The following SYT10 variants were observed in gnomAD, a reference collection of about 807,000 sequenced individuals.
SYT10 encodes the protein synaptotagmin-10.
A neutral mutation model predicts 51.1 loss-of-function variants in SYT10; 31 were observed. The ratio of observed to expected loss-of-function variants is 0.61; its 90% CI spans 0.46 to 0.82. SYT10 has a LOEUF of 0.82. Ranked by LOEUF, SYT10 falls within the 40% of genes least tolerant of loss-of-function variation. The pLI is 0.00. For missense variants in SYT10, 603 were observed against 634.0 expected, an observed-to-expected ratio of 0.95 and a Z score of 0.53; for synonymous variants, 233 against 225.9, an observed-to-expected ratio of 1.03 and a Z score of -0.28.
chr12:33,434,975 T>C (rs929545453), intron 1 of SYT10, among the ~76,000 whole-genome samples: 1 of 152,208 alleles, frequency 6.6e-6, no homozygotes, highest in Admixed American at 6.5e-5. Context: ...GGGAAGAATA[T>C]AATCACATGT....
chr12:33,405,938 T>C (rs148770465), intron 3 of SYT10: 8 of 151,498 alleles, frequency 5.3e-5, no homozygotes, highest in Admixed American at 5.3e-4. Context: ...TGTCTAACAG[T>C]AAGAAAATGG....
At chr12:33,413,204 T>G (rs541586386) in intron 2 of SYT10, among the ~76,000 whole-genome samples, 1 of 152,294 alleles carries the variant, frequency 6.6e-6, no homozygotes, top group Admixed American at 6.5e-5. Flanking sequence ...AATCTACATC[T>G]GATTGGTGTA....
At chr12:33,429,803 T>C (rs1167127215) in intron 1 of SYT10, among the ~76,000 whole-genome samples, 2 of 152,194 alleles carry the variant, frequency 1.3e-5, no homozygotes, top group Non-Finnish European at 2.9e-5. Flanking sequence ...TATGGTAGTA[T>C]TGTTCACCAT....
At position 33,395,751 on chromosome 12, in the gene SYT10, G is replaced by C. The variant is rs371188720; in HGVS notation, c.1078-10460C>G. Among the ~76,000 whole-genome samples the C allele has an allele frequency of 2.7e-4, 41 of 152,274 alleles. No individual in the cohort carries two copies. In the South Asian group the frequency reaches 5.6e-3, roughly 21 times the overall value. The stretch of plus-strand genomic sequence containing the variant: ...GGATTATAAGTTTTAAAGGCCTTAT[G>C]CATATGTTTTTGCCACAAGTATTAT... On this transcript the variant is annotated intron_variant, in intron 3 of 6. Coordinates refer to ENST00000228567, the MANE Select transcript of SYT10 (RefSeq NM_198992.4).
chr12:33,416,437 T>A (rs1484302243), intron 2 of SYT10, among the ~76,000 whole-genome samples: 1 of 152,110 alleles, frequency 6.6e-6, no homozygotes, highest in Non-Finnish European at 1.5e-5. Context: ...AGTCAAGAAA[T>A]CACACTTCCA....
Position 33,436,460 on chromosome 12 carries a change from C to T in SYT10, c.151+2912G>A, listed in dbSNP as rs147924025. Among the ~76,000 whole-genome samples, 13 of 152,212 alleles carry T rather than the reference C, an allele frequency of 8.5e-5. No homozygotes were observed. In the East Asian group the frequency reaches 1.7e-3, roughly 20 times the overall value. ...CACATATAATGACTCCGATAAACTA[C>T]GCCAAAAGAGTAAATGAACTTGTGT... On this transcript the variant is annotated intron_variant, in intron 1 of 6. Coordinates refer to ENST00000228567, the MANE Select transcript of SYT10 (RefSeq NM_198992.4).
chr12:33,393,046 C>T (rs762962717), intron 3 of SYT10, among the ~76,000 whole-genome samples: 1 of 143,636 alleles, frequency 7.0e-6, no homozygotes. Context: ...TTGCACCATC[C>T]TCATAGATGC....
In SYT10 at chr12:33,382,489, T is replaced by G. The variant is rs992096708; in HGVS notation, c.1230A>C (p.Glu410Asp). Reference sequence around the variant, plus strand: ...TTTTCCTCTTTTTTAATCTTCGACCTTCACACATCAGGGACACTTTGACAT... The same window carrying G: ...TTTTCCTCTTTTTTAATCTTCGACCGTCACACATCAGGGACACTTTGACAT... ...DPYVKVSLMC[E>D]GRRLKKRKTT... Residue 410 changes from glutamate (E) to aspartate (D), a missense_variant, in exon 5 of 7, where the codon GAA becomes GAC. Glu to Asp is a conservative substitution (Grantham distance 45, BLOSUM62 2). Transcript: ENST00000228567. 2.4e-5 allele frequency: 38 copies of G among 1,612,662 alleles called. No homozygotes were observed. The highest frequency in any genetic ancestry group is 2.8e-5 in the Non-Finnish European group (33 of 1,179,320).
chr12:33,420,810 G>A (rs1482686160), intron 2 of SYT10, among the ~76,000 whole-genome samples: 1 of 152,188 alleles, frequency 6.6e-6, no homozygotes, highest in Non-Finnish European at 1.5e-5. Flanking sequence ...AAAGAAGCAA[G>A]TGTGTACACC....
chr12:33,379,997 C>T lies in SYT10; in HGVS notation c.1371-36G>A, dbSNP rs745955077. On this transcript the variant is annotated intron_variant, in intron 5 of 6. Transcript: ENST00000228567. ...TGGGATATTATATTTTCATTTCCAA[C>T]ATTCAAAGATAAAGGGGGTTTCACA... 1.7e-5 allele frequency: 27 copies of T among 1,562,946 alleles called. No homozygotes were observed. In the South Asian group the frequency reaches 2.8e-4, roughly 16 times the overall value.
chr12:33,415,667 G>A (rs1403641851), intron 2 of SYT10, among the ~76,000 whole-genome samples: 1 of 152,082 alleles, frequency 6.6e-6, no homozygotes, highest in Non-Finnish European at 1.5e-5. Context: ...CATATATTCA[G>A]TTAGATCACC....
At chr12:33,408,455 T>C (rs571375607) in intron 2 of SYT10, 3 of 152,318 alleles carry the variant, frequency 2.0e-5, no homozygotes, top group South Asian at 2.1e-4. Context: ...TATATAAGCT[T>C]ACTAATGTCT....
At chr12:33,413,762 G>C (rs1348958012) in intron 2 of SYT10, among the ~76,000 whole-genome samples, 1 of 152,186 alleles carries the variant, frequency 6.6e-6, no homozygotes, top group Non-Finnish European at 1.5e-5. Context: ...AGGCTAGGAA[G>C]AAACTGCATC....
In SYT10 at chr12:33,376,899, T is replaced by C. The variant is rs1866068045; in HGVS notation, c.1503A>G (p.Leu501=). ...TATCAAAACTGGTCGCCCGGCCAGG[T>C]AACTGAAAGACAAAAATTTCATAAT... ...PITHWHPLLE[L]PGRATSFDSQ... Residue 501 remains leucine, a splice_region_variant and synonymous_variant, in exon 7 of 7, where the codon TTA becomes TTG. Transcript: ENST00000228567. The C allele has an allele frequency of 3.1e-6, 5 of 1,613,948 alleles. No homozygotes were observed. Among genetic ancestry groups the C allele is most frequent in the Non-Finnish European group, 4.2e-6 (5 of 1,179,986 alleles).
At chr12:33,403,627 C>T (rs1056634871) in intron 3 of SYT10, among the ~76,000 whole-genome samples, 1 of 152,118 alleles carries the variant, frequency 6.6e-6, no homozygotes, top group African/African-American at 2.4e-5. Flanking sequence ...TAGGTTTCCG[C>T]AGGACTTAAA....
intron 3 of SYT10, among the ~76,000 whole-genome samples, chr12:33,398,615 T>C (rs964816024): frequency 6.6e-6 from 1 of 152,134 alleles, no homozygotes; most frequent in African/African-American, 2.4e-5. Context: ...CTGACTTGAA[T>C]AGAAAAATGT....
intron 3 of SYT10, among the ~76,000 whole-genome samples, chr12:33,388,084 A>G (rs1866173674): frequency 6.6e-6 from 1 of 151,522 alleles, no homozygotes; most frequent in Non-Finnish European, 1.5e-5. Flanking sequence ...TTTAGTGAAG[A>G]CAGCAAGTAA....
rs1309018616 is a variant in SYT10, at chr12:33,375,556, C to G, written c.*1274G>C. 6.6e-6 allele frequency: 1 copy of G among 151,866 alleles called. No homozygotes were observed. The allele number at this position is 151,866 out of a possible 1,614,324, so 9.4% of individuals were successfully genotyped here. On this transcript the variant is annotated 3_prime_UTR_variant, in exon 7 of 7. Coordinates refer to ENST00000228567, the MANE Select transcript of SYT10 (RefSeq NM_198992.4). ...TGAAAATGGGACAAAATATGTTGAC[C>G]TGACTTAAAAGAAAGTTCTGTCTTG...
chr12:33,379,549 CAAAAAAAAAAAAAAA>C (rs71068377), intron 6 of SYT10, among the ~76,000 whole-genome samples: 2 of 22,058 alleles, frequency 9.1e-5, no homozygotes, highest in Non-Finnish European at 1.4e-4. Flanking sequence ...TCAGGCTATG[CAAAAAAAAAAAAAAA>C]AAAAAAAAAA....
Sources: gnomAD v4.1 joint callset for allele counts (sites outside exome capture counted in the v4.1 genomes callset) on GRCh38, gnomAD v4.1.1 for gene constraint, MANE v1.5 for transcripts, NCBI Gene and HGNC (gene_info 2026-07-23, HGNC 2026-07-21) for gene names.